Variants in TNFRSF13B observed in about 807,000 individuals in gnomAD.
The protein encoded by TNFRSF13B is tumor necrosis factor receptor superfamily member 13B.
TNFRSF13B carries 34 observed loss-of-function variants against 24.0 expected under a neutral mutation model. The observed-to-expected ratio is 1.41, with a 90% CI of 1.08 to 1.88. The LOEUF (loss-of-function observed/expected upper bound fraction) is 1.88, where lower values mean the gene tolerates loss of function less well. Among genes scored for constraint, TNFRSF13B ranks in the 40% most tolerant of loss-of-function variants. The probability of loss-of-function intolerance (pLI) is 0.00; values close to 1 mark genes in which losing one functional copy is unlikely to be tolerated. For missense variants in TNFRSF13B, 415 were observed against 380.8 expected, an observed-to-expected ratio of 1.09 and a Z score of -0.75; for synonymous variants, 173 against 150.3, an observed-to-expected ratio of 1.15 and a Z score of -1.10.
In TNFRSF13B at chr17:16,939,436, C is replaced by G; in HGVS notation, c.*111G>C. 2 of 1,313,186 alleles carry G rather than the reference C, an allele frequency of 1.5e-6. No homozygotes were observed. Among genetic ancestry groups the G allele is most frequent in the South Asian group, 2.9e-5 (2 of 68,170 alleles). The allele number at this position is 1,313,186 out of a possible 1,614,324, so 81.3% of individuals were successfully genotyped here. On this transcript the variant is annotated 3_prime_UTR_variant, in exon 5 of 5. Transcript: ENST00000261652. ...CTGTCTCCTCTGTTTCTCTCCCTCT[C>G]TGCCTCCTCTGTCTCTCTCTCCTCA... is the stretch of plus-strand genomic sequence containing the variant.
chr17:16,941,072 A>G, intron 3 of TNFRSF13B: 1 of 589,546 alleles, frequency 1.7e-6, no homozygotes, highest in African/African-American at 2.0e-5. Flanking sequence ...TACTTATAAT[A>G]CCAAATACAA....
chr17:16,969,021 TGGC>T lies in TNFRSF13B; in HGVS notation c.61+2991_61+2993del, dbSNP rs747230878. On this transcript the variant is annotated intron_variant, in intron 1 of 4. Coordinates refer to ENST00000261652, the MANE Select transcript of TNFRSF13B (RefSeq NM_012452.3). ...AGATACCACCTCACACCCCTTGGGA[TGGC>T]TAGAATGAGAAAGACAGTCAATGAC... 5.8e-4 allele frequency among the ~76,000 whole-genome samples: 89 copies of T among 152,346 alleles called. 1 individual carries two copies. The Middle Eastern group carries it at 0.01, about 17-fold the overall frequency.
Position 16,939,189 on chromosome 17 carries a change from C to T in TNFRSF13B, c.*358G>A, listed in dbSNP as rs1020177692. 2 of 211,802 alleles carry T rather than the reference C, an allele frequency of 9.4e-6. No individual in the cohort carries two copies. Among genetic ancestry groups the T allele is most frequent in the Non-Finnish European group, 1.9e-5 (2 of 106,386 alleles). 13.1% of individuals were successfully genotyped at this position (211,802 alleles called of 1,614,324 possible). Reference sequence around the variant, plus strand: ...TATTGCACGTGTGGTTAGGTGATGACGACCTACAGCTGCACTGGGAACTGG... The same window carrying T: ...TATTGCACGTGTGGTTAGGTGATGATGACCTACAGCTGCACTGGGAACTGG... On this transcript the variant is annotated 3_prime_UTR_variant, in exon 5 of 5. Transcript: ENST00000261652.
Position 16,957,770 on chromosome 17 carries a change from A to G in TNFRSF13B, c.62-5187T>C, listed in dbSNP as rs181948619. Reference sequence around the variant, plus strand: ...TATAATTTTAAATCACCTTTCAATAATGAAGGAGAAATTATGACTTTTCCA... The same window carrying G: ...TATAATTTTAAATCACCTTTCAATAGTGAAGGAGAAATTATGACTTTTCCA... On this transcript the variant is annotated intron_variant, in intron 1 of 4. Coordinates refer to ENST00000261652, the MANE Select transcript of TNFRSF13B (RefSeq NM_012452.3). 2.4e-3 allele frequency among the ~76,000 whole-genome samples: 364 copies of G among 152,082 alleles called. 6 individuals are homozygous for G. Among genetic ancestry groups the G allele is most frequent in the Non-Finnish European group, 6.9e-4 (47 of 68,020 alleles).
At chr17:16,968,385 T>C (rs1038285823) in intron 1 of TNFRSF13B, among the ~76,000 whole-genome samples, 5 of 152,172 alleles carry the variant, frequency 3.3e-5, no homozygotes, top group Admixed American at 1.3e-4. Context: ...CAGAATATAA[T>C]TGAGAGCCCA....
chr17:16,951,503 G>C (rs1313024552), intron 2 of TNFRSF13B, among the ~76,000 whole-genome samples: 1 of 152,250 alleles, frequency 6.6e-6, no homozygotes, highest in Non-Finnish European at 1.5e-5. Context: ...AATTATTGCT[G>C]GCAGTGATAG....
intron 3 of TNFRSF13B, among the ~76,000 whole-genome samples, chr17:16,948,336 A>G (rs546372535): frequency 1.6e-4 from 24 of 149,326 alleles, no homozygotes; most frequent in African/African-American, 5.9e-4. Flanking sequence ...CCCCGGATCT[A>G]AAAAAAAAAG....
In TNFRSF13B at chr17:16,939,363, G is replaced by T. The variant is rs2087488587; in HGVS notation, c.*184C>A. The T allele has an allele frequency of 3.1e-6, 2 of 646,492 alleles. No individual in the cohort carries two copies. Among genetic ancestry groups the T allele is most frequent in the Admixed American group, 3.7e-5 (1 of 27,388 alleles). The allele number at this position is 646,492 out of a possible 1,614,324, so 40.0% of individuals were successfully genotyped here. On this transcript the variant is annotated 3_prime_UTR_variant, in exon 5 of 5. Transcript: ENST00000261652. ...TCCTTCTCTGCCTCTTTCCCTCTCTGCCTCTCTTCCCCTCTGTCTCTCTCT... is the reference window on the plus strand; with the variant it reads ...TCCTTCTCTGCCTCTTTCCCTCTCTTCCTCTCTTCCCCTCTGTCTCTCTCT...
intron 4 of TNFRSF13B, 174 bp from the exon 5 acceptor site, chr17:16,939,971 G>T: frequency 9.6e-7 from 1 of 1,036,402 alleles, no homozygotes; most frequent in Non-Finnish European, 1.4e-6. Flanking sequence ...CCTGTGCCGG[G>T]GCAGGGGTGG....
chr17:16,964,071 T>A (rs531773670), intron 1 of TNFRSF13B, among the ~76,000 whole-genome samples: 43 of 147,320 alleles, frequency 2.9e-4, no homozygotes, highest in African/African-American at 1.1e-3. Flanking sequence ...GAGGAAGAAA[T>A]GGAGGAGGAA....
Position 16,951,523 on chromosome 17 carries a change from A to G in TNFRSF13B, c.199+923T>C, listed in dbSNP as rs139186162. 3.4e-3 allele frequency among the ~76,000 whole-genome samples: 524 copies of G among 152,342 alleles called. 4 individuals are homozygous for G. Among genetic ancestry groups the G allele is most frequent in the African/African-American group, 0.012 (480 of 41,576 alleles). On this transcript the variant is annotated intron_variant, in intron 2 of 4. Transcript: ENST00000261652. ...TTGCTGGCAGTGATAGGATATTTGG[A>G]TTATGTTTCACAGGTTTTCGTGGTC...
Position 16,940,416 on chromosome 17 carries a change from C to T in TNFRSF13B, c.541G>A (p.Ala181Thr). The change falls in exon 4 of 5, where the codon GCG (alanine) becomes ACG (threonine). Residue 181 changes from alanine to threonine, a missense_variant. Physicochemically the swap from Ala to Thr is moderately conservative, Grantham distance 58. Transcript: ENST00000261652. ...LCAVLCCFLVAVACFLKKRGD... is the reference protein window; with the variant it reads ...LCAVLCCFLVTVACFLKKRGD... ...CTCTTCTTGAGGAAGCAGGCCACCG[C>T]CACCAGGAAGCAGCAGAGGACGGCA... 1.2e-6 allele frequency: 2 copies of T among 1,614,098 alleles called. No individual in the cohort carries two copies. Among genetic ancestry groups the T allele is most frequent in the Non-Finnish European group, 1.7e-6 (2 of 1,180,028 alleles).
intron 3 of TNFRSF13B, among the ~76,000 whole-genome samples, chr17:16,946,176 T>A (rs1030056149): frequency 6.6e-6 from 1 of 152,138 alleles, no homozygotes; most frequent in Admixed American, 6.5e-5. Flanking sequence ...GACAACAGGG[T>A]GCTGGGCAAC....
intron 1 of TNFRSF13B, among the ~76,000 whole-genome samples, chr17:16,958,577 A>T (rs2087640537): frequency 1.3e-5 from 2 of 152,210 alleles, no homozygotes; most frequent in South Asian, 4.1e-4. Flanking sequence ...ATAGGCAATG[A>T]GTAAAATAGT....
chr17:16,961,441 A>G lies in TNFRSF13B; in HGVS notation c.62-8858T>C, dbSNP rs147415387. 8.9e-3 allele frequency among the ~76,000 whole-genome samples: 1,356 copies of G among 152,378 alleles called. 10 individuals carry two copies. Among genetic ancestry groups the G allele is most frequent in the Non-Finnish European group, 0.012 (812 of 68,038 alleles). On this transcript the variant is annotated intron_variant, in intron 1 of 4. Coordinates refer to ENST00000261652, the MANE Select transcript of TNFRSF13B (RefSeq NM_012452.3). ...GAATGGAATACTTATACATGCTACA[A>G]TGTGGATAAACTTTGAAGATATTAT...
chr17:16,969,599 A>T (rs2087729705), intron 1 of TNFRSF13B, among the ~76,000 whole-genome samples: 2 of 152,238 alleles, frequency 1.3e-5, no homozygotes, highest in East Asian at 3.8e-4. Context: ...AAATTAGCTT[A>T]TGGTGATGGT....
intron 3 of TNFRSF13B, among the ~76,000 whole-genome samples, chr17:16,944,175 G>A (rs1158801705): frequency 6.6e-6 from 1 of 152,274 alleles, no homozygotes; most frequent in East Asian, 1.9e-4. Flanking sequence ...GGGAGCCCGA[G>A]AGGAAGGGAT....
In TNFRSF13B at chr17:16,948,961, C is replaced by A. The variant is rs1167588510; in HGVS notation, c.222G>T (p.Glu74Asp). 1 of 1,614,022 alleles carries A rather than the reference C, an allele frequency of 6.2e-7. No homozygotes were observed. Among genetic ancestry groups the A allele is most frequent in the Non-Finnish European group, 8.5e-7 (1 of 1,180,034 alleles). The change falls in exon 3 of 5, where the codon GAG (glutamate) becomes GAT (aspartate). Residue 74 changes from glutamate (E) to aspartate (D), a missense_variant. Physicochemically the swap from Glu to Asp is conservative, Grantham distance 45. Coordinates refer to ENST00000261652, the MANE Select transcript of TNFRSF13B (RefSeq NM_012452.3). ...AFCRSLSCRK[E>D]QGKFYDHLLR... ...GGAGATGGTCATAGAACTTGCCTTG[C>A]TCCTTGCGGCAGCTGAGTGACCCTG...
chr17:16,951,431 G>A (rs770096874), intron 2 of TNFRSF13B, among the ~76,000 whole-genome samples: 8 of 152,188 alleles, frequency 5.3e-5, no homozygotes, highest in African/African-American at 9.6e-5. Flanking sequence ...AGCAAGCAAC[G>A]AATAATTTTC....
Sources: allele counts gnomAD v4.1 joint callset (sites outside exome capture counted in the v4.1 genomes callset), GRCh38; gene constraint gnomAD v4.1.1; transcripts MANE v1.5; gene names NCBI Gene and HGNC (gene_info 2026-07-23, HGNC 2026-07-21).